The following ARHGAP44 variants were observed in gnomAD, a reference collection of about 807,000 sequenced individuals.
ARHGAP44 encodes the protein Rho GTPase activating protein 44, also known as rho GTPase-activating protein 44.
In ARHGAP44, 43 loss-of-function variants were observed where a neutral mutation model predicts 106.8. That is an observed-to-expected ratio of 0.40 (90% CI 0.32 to 0.52). ARHGAP44 has a LOEUF of 0.52. Ranked by LOEUF, ARHGAP44 falls within the 20% of genes least tolerant of loss-of-function variation. ARHGAP44 has a pLI of 0.48. For synonymous variants in ARHGAP44, 439 were observed against 410.3 expected (o/e 1.07, Z -0.85); for missense variants, 866 against 1,050.5 (o/e 0.82, Z 2.43).
At chr17:12,837,803 T>C (rs1318011896) in intron 1 of ARHGAP44, among the ~76,000 whole-genome samples, 3 of 152,104 alleles carry the variant, frequency 2.0e-5, no homozygotes, top group Non-Finnish European at 2.9e-5. Flanking sequence ...GGCTCCTTTC[T>C]GGGTAGGGGT....
intron 16 of ARHGAP44, among the ~76,000 whole-genome samples, chr17:12,969,952 C>T (rs778945463): frequency 6.6e-6 from 1 of 152,142 alleles, no homozygotes; most frequent in Non-Finnish European, 1.5e-5. Context: ...GAACCTATTC[C>T]ATGATACCAT....
intron 1 of ARHGAP44, among the ~76,000 whole-genome samples, chr17:12,878,790 C>T (rs1464054508): frequency 6.6e-6 from 1 of 152,236 alleles, no homozygotes; most frequent in East Asian, 1.9e-4. Flanking sequence ...TGAGTCTTTT[C>T]CCCAGTCAGT....
At position 12,976,980 on chromosome 17, in the gene ARHGAP44, T is replaced by C. The variant is rs147333385; in HGVS notation, c.1763+2670T>C. Among the ~76,000 whole-genome samples the C allele has an allele frequency of 6.4e-3, 967 of 152,178 alleles. 17 individuals are homozygous for C. The highest frequency in any genetic ancestry group is 0.022 in the African/African-American group (903 of 41,524). On this transcript the variant is annotated intron_variant, in intron 18 of 20. Coordinates refer to ENST00000379672, the MANE Select transcript of ARHGAP44 (RefSeq NM_014859.6). ...ATCTTAGAAAGGGGACTCAGTGCCA[T>C]ATGGTATTTGGCATATAAATGATAT...
intron 19 of ARHGAP44, among the ~76,000 whole-genome samples, chr17:12,984,179 G>C (rs1420524547): frequency 1.3e-5 from 2 of 152,174 alleles, no homozygotes; most frequent in Non-Finnish European, 2.9e-5. Context: ...GAGTAGCAGC[G>C]ATGCCTCTCA....
At chr17:12,936,242 C>T (rs1198909459) in intron 7 of ARHGAP44, among the ~76,000 whole-genome samples, 3 of 152,132 alleles carry the variant, frequency 2.0e-5, no homozygotes, top group Admixed American at 6.5e-5. Context: ...GGGGTTCACT[C>T]CTAGCGTTGT....
intron 1 of ARHGAP44, among the ~76,000 whole-genome samples, chr17:12,845,640 G>C (rs1242841085): frequency 3.9e-5 from 6 of 152,040 alleles, no homozygotes; most frequent in Admixed American, 3.9e-4. Context: ...GTAGGCTCTT[G>C]GTTTCTATTA....
chr17:12,807,659 C>A (rs2150774084), intron 1 of ARHGAP44, among the ~76,000 whole-genome samples: 1 of 152,256 alleles, frequency 6.6e-6, no homozygotes. Flanking sequence ...ACACTGGGTC[C>A]CTCTCGCAAC....
intron 1 of ARHGAP44, among the ~76,000 whole-genome samples, chr17:12,845,098 GA>G (rs2035525236): frequency 6.6e-6 from 1 of 152,114 alleles, no homozygotes; most frequent in South Asian, 2.1e-4. Context: ...AAACCTTCCT[GA>G]ACACCCTCCT....
In ARHGAP44 at chr17:12,980,163, A is replaced by C; in HGVS notation, c.1869A>C (p.Gly623=). The C allele has an allele frequency of 6.2e-7, 1 of 1,613,642 alleles. No homozygotes were observed. The highest frequency in any genetic ancestry group is 8.5e-7 in the Non-Finnish European group (1 of 1,179,862). ...GGACTCAACCAGGGGCTCAACCTGG[A>C]GCTCAGCCGGGCGCCAGCCCCAGCC... is the stretch of plus-strand genomic sequence containing the variant. The part of the protein sequence containing the change: ...CAGTQPGAQP[G]AQPGASPSPS... Residue 623 remains glycine (G), a synonymous_variant, in exon 19 of 21, where the codon GGA becomes GGC. Coordinates refer to ENST00000379672, the MANE Select transcript of ARHGAP44 (RefSeq NM_014859.6).
chr17:12,793,765 C>T (rs778533117), intron 1 of ARHGAP44, among the ~76,000 whole-genome samples: 1 of 151,808 alleles, frequency 6.6e-6, no homozygotes, highest in Non-Finnish European at 1.5e-5. Flanking sequence ...AATAATGGCT[C>T]ACTTGTGTTA....
intron 1 of ARHGAP44, among the ~76,000 whole-genome samples, chr17:12,851,961 A>G (rs948062430): frequency 1.1e-4 from 16 of 151,470 alleles, no homozygotes; most frequent in African/African-American, 3.6e-4. Context: ...AGCTTGTCCT[A>G]TTGATTTCCT....
chr17:12,843,802 C>G (rs551007242), intron 1 of ARHGAP44, among the ~76,000 whole-genome samples: 1 of 151,594 alleles, frequency 6.6e-6, no homozygotes, highest in Non-Finnish European at 1.5e-5. Context: ...ATTACAGGCA[C>G]GTGCCACCAT....
intron 16 of ARHGAP44, among the ~76,000 whole-genome samples, chr17:12,965,337 G>A (rs1280556123): frequency 6.6e-6 from 1 of 152,222 alleles, no homozygotes; most frequent in East Asian, 1.9e-4. Context: ...CCAGGTGACA[G>A]CAACCCGAAT....
chr17:12,931,093 A>G (rs2038385170), intron 7 of ARHGAP44, among the ~76,000 whole-genome samples: 1 of 152,126 alleles, frequency 6.6e-6, no homozygotes, highest in East Asian at 1.9e-4. Context: ...TTGTTTTGAG[A>G]CAGAGTCTTG....
intron 1 of ARHGAP44, among the ~76,000 whole-genome samples, chr17:12,889,557 G>A (rs9908092): frequency 0.2 from 29,718 of 152,108 alleles, 3,657 homozygotes; most frequent in East Asian, 0.44. Flanking sequence ...TTGGGGATCC[G>A]GTTTCCAACA....
Position 12,943,648 on chromosome 17 carries a change from C to G in ARHGAP44, c.712C>G (p.Pro238Ala), listed in dbSNP as rs2038763902. ...KSLTLLQAVL[P>A]QIKAQQEAWV... is the part of the protein sequence containing the mutation. ...CCTGACACTATTGCAGGCTGTATTG[C>G]CTCAGATCAAAGCACAACAGGGTAA... The change falls in exon 9 of 21, where the codon CCT becomes GCT. Residue 238 changes from proline (P) to alanine (A), a missense_variant. This residue lies in a region of ARHGAP44 where 448 missense variants were observed against 646.9 expected (regional missense o/e 0.69). Coordinates refer to ENST00000379672, the MANE Select transcript of ARHGAP44 (RefSeq NM_014859.6). The G allele has an allele frequency of 6.2e-7, 1 of 1,613,700 alleles. No individual in the cohort carries two copies. The highest frequency in any genetic ancestry group is 1.7e-5 in the Admixed American group (1 of 60,002).
intron 1 of ARHGAP44, among the ~76,000 whole-genome samples, chr17:12,812,319 A>G (rs893664334): frequency 7.9e-5 from 12 of 152,220 alleles, no homozygotes; most frequent in Admixed American, 5.2e-4. Flanking sequence ...CAAGGAACAA[A>G]AGGTGATTTC....
chr17:12,982,007 T>C (rs2039845108), intron 19 of ARHGAP44, among the ~76,000 whole-genome samples: 2 of 151,404 alleles, frequency 1.3e-5, no homozygotes, highest in Admixed American at 6.6e-5. Context: ...CAAAACTCTG[T>C]CTCCAAAAAA....
At position 12,852,467 on chromosome 17, in the gene ARHGAP44, C is replaced by T. The variant is rs540748036; in HGVS notation, c.54-42473C>T. 5.3e-5 allele frequency among the ~76,000 whole-genome samples: 8 copies of T among 149,826 alleles called. No homozygotes were observed. The East Asian group carries it at 1.6e-3, about 30-fold the overall frequency. On this transcript the variant is annotated intron_variant, in intron 1 of 20. Transcript: ENST00000379672. Reference sequence around the variant, plus strand: ...ACCTCTATTAGTTTTCATTAAATCCCTCTATTGCTTATATCTTTTGTATTT... The same window carrying T: ...ACCTCTATTAGTTTTCATTAAATCCTTCTATTGCTTATATCTTTTGTATTT...
Sources: gnomAD v4.1 joint callset for allele counts (sites outside exome capture counted in the v4.1 genomes callset) on GRCh38, gnomAD v4.1.1 for gene constraint, gnomAD v4.1.1 regional missense constraint, MANE v1.5 for transcripts, NCBI Gene and HGNC (gene_info 2026-07-23, HGNC 2026-07-21) for gene names.